CCDC141: variants seen among roughly 807,000 people sequenced by gnomAD.
The protein encoded by CCDC141 is coiled-coil domain-containing protein 141.
Under a neutral mutation model 181.0 loss-of-function variants are expected in CCDC141, and 168 were observed. The observed-to-expected ratio is 0.93, with a 90% CI of 0.82 to 1.05. CCDC141 has a LOEUF of 1.05. Ranked by LOEUF, CCDC141 falls within the 50% of genes least tolerant of loss-of-function variation. The pLI is 0.00. For missense variants in CCDC141, 1,902 were observed against 1,788.5 expected (o/e 1.06, Z -1.14); for synonymous variants, 666 against 642.3 (o/e 1.04, Z -0.56).
At chr2:179,015,440 T>G (rs1427206106) in intron 2 of CCDC141, among the ~76,000 whole-genome samples, 2 of 138,026 alleles carry the variant, frequency 1.4e-5, no homozygotes, top group Non-Finnish European at 3.1e-5. Flanking sequence ...GTACCATATA[T>G]ATCTCATATA....
In CCDC141 at chr2:178,964,951, A is replaced by G. The variant is rs78033155; in HGVS notation, c.527-3468T>C. ...TAATTTTCAATCTATCTAAAAAATT[A>G]TCATTAAAGTTCATAAAATACATCA... On this transcript the variant is annotated intron_variant, in intron 4 of 23. Coordinates refer to ENST00000443758, the MANE Select transcript of CCDC141 (RefSeq NM_173648.4). 6.2e-4 allele frequency among the ~76,000 whole-genome samples: 95 copies of G among 152,344 alleles called. 1 individual carries two copies. Among genetic ancestry groups the G allele is most frequent in the African/African-American group, 1.9e-3 (79 of 41,582 alleles).
At chr2:179,029,807 A>T (rs781026705) in intron 2 of CCDC141, among the ~76,000 whole-genome samples, 99 of 152,190 alleles carry the variant, frequency 6.5e-4, no homozygotes, top group Non-Finnish European at 1.2e-3. Flanking sequence ...TGCTTAACTA[A>T]CCCTTTTTGC....
intron 8 of CCDC141, among the ~76,000 whole-genome samples, chr2:178,903,309 T>C (rs924447323): frequency 3.3e-5 from 5 of 151,764 alleles, no homozygotes; most frequent in African/African-American, 4.8e-5. Flanking sequence ...CATGCACACG[T>C]ATGTTTACTG....
intron 2 of CCDC141, among the ~76,000 whole-genome samples, chr2:179,005,159 C>A (rs1160967528): frequency 6.6e-6 from 1 of 152,154 alleles, no homozygotes; most frequent in East Asian, 1.9e-4. Flanking sequence ...GAACAAATTT[C>A]TTTAAATATT....
chr2:178,928,657 A>G (rs1004613098), intron 6 of CCDC141, among the ~76,000 whole-genome samples: 1 of 152,212 alleles, frequency 6.6e-6, no homozygotes, highest in Non-Finnish European at 1.5e-5. Flanking sequence ...TCTGTAAGCA[A>G]AATAACAGCA....
intron 2 of CCDC141, among the ~76,000 whole-genome samples, chr2:178,989,601 AAAAAAAAT>A (rs1405444323): frequency 5.2e-4 from 48 of 92,466 alleles, no homozygotes; most frequent in African/African-American, 2.1e-3. Context: ...CTCAAAAAAA[AAAAAAAAT>A]AAATAAATAA....
intron 6 of CCDC141, among the ~76,000 whole-genome samples, chr2:178,935,285 C>T (rs971217826): frequency 2.6e-5 from 4 of 152,114 alleles, no homozygotes; most frequent in African/African-American, 9.7e-5. Context: ...ATCCTCCACC[C>T]TCAAGAAGAC....
At chr2:178,920,407 A>C (rs1688632319) in intron 6 of CCDC141, among the ~76,000 whole-genome samples, 1 of 152,188 alleles carries the variant, frequency 6.6e-6, no homozygotes, top group African/African-American at 2.4e-5. Context: ...ATGCTAAGAC[A>C]GATGCCTTGG....
chr2:178,870,209 G>T (rs1315084400), intron 14 of CCDC141, among the ~76,000 whole-genome samples: 1 of 112,336 alleles, frequency 8.9e-6, no homozygotes, highest in Non-Finnish European at 1.7e-5. Context: ...TCCAGCCTGG[G>T]CAACAGAGTA....
chr2:178,838,273 A>G (rs1054330476), intron 22 of CCDC141, among the ~76,000 whole-genome samples: 4 of 152,232 alleles, frequency 2.6e-5, no homozygotes, highest in African/African-American at 9.6e-5. Flanking sequence ...CACTTCAACC[A>G]TGTTTAAGTG....
chr2:178,999,379 C>G (rs538545413), intron 2 of CCDC141, among the ~76,000 whole-genome samples: 1 of 152,242 alleles, frequency 6.6e-6, no homozygotes, highest in East Asian at 1.9e-4. Flanking sequence ...CCCCATACCT[C>G]AGTTTCGTCT....
In CCDC141 at chr2:178,888,968, C is replaced by T. The variant is rs1873163; in HGVS notation, c.1266-300G>A. On this transcript the variant is annotated intron_variant, in intron 8 of 23. Coordinates refer to ENST00000443758, the MANE Select transcript of CCDC141 (RefSeq NM_173648.4). ...ATATTTTGAAAACCTTATGGCAAAG[C>T]CACAGTATGTTTACCACGACTTTTC... is the stretch of plus-strand genomic sequence containing the variant. 0.094 allele frequency among the ~76,000 whole-genome samples: 14,264 copies of T among 152,132 alleles called. 1,633 individuals carry two copies. The highest frequency in any genetic ancestry group is 0.66 in the East Asian group (3,395 of 5,172).
At chr2:178,871,387 T>C (rs776602343) in intron 14 of CCDC141, 40 bp downstream of exon 14, 1 of 1,591,568 alleles carries the variant, frequency 6.3e-7, no homozygotes, top group Non-Finnish European at 8.6e-7. Context: ...GTTTTAAGTA[T>C]TTTTTCCATT....
the CCDC141 span, among the ~76,000 whole-genome samples, chr2:178,822,960 G>A: frequency 2.0e-5 from 3 of 152,134 alleles, no homozygotes; most frequent in Non-Finnish European, 4.4e-5. Flanking sequence ...GTCTGTTTGA[G>A]CCAACCTGCA....
chr2:179,015,252 T>C (rs200378378), intron 2 of CCDC141, among the ~76,000 whole-genome samples: 3 of 132,554 alleles, frequency 2.3e-5, no homozygotes, highest in Non-Finnish European at 4.7e-5. Flanking sequence ...CTCATATATA[T>C]CTCATATATA....
rs56229236 is a variant in CCDC141, at chr2:178,893,799, TCACA to T, written c.1266-5135_1266-5132del. On this transcript the variant is annotated intron_variant, in intron 8 of 23. Transcript: ENST00000443758. ...CTCCCACCAAACATTTCTCTCTCTC[TCACA>T]CACACACACACACACACACGCACAC... 2.5e-3 allele frequency among the ~76,000 whole-genome samples: 360 copies of T among 143,686 alleles called. 6 individuals are homozygous for T. Among genetic ancestry groups the T allele is most frequent in the South Asian group, 0.023 (104 of 4,488 alleles). 94.3% of individuals were successfully genotyped at this position (143,686 alleles called of 152,430 possible).
intron 6 of CCDC141, among the ~76,000 whole-genome samples, chr2:178,932,528 A>G (rs1271084239): frequency 6.6e-6 from 1 of 152,238 alleles, no homozygotes; most frequent in Non-Finnish European, 1.5e-5. Context: ...TATGTGTTAA[A>G]ATGAGGAAAT....
At chr2:178,932,514 A>T (rs1689139601) in intron 6 of CCDC141, among the ~76,000 whole-genome samples, 1 of 152,212 alleles carries the variant, frequency 6.6e-6, no homozygotes, top group African/African-American at 2.4e-5. Context: ...AAACACATTT[A>T]AAATATGTGT....
At chr2:178,994,304 A>C (rs1692185994) in intron 2 of CCDC141, among the ~76,000 whole-genome samples, 1 of 152,220 alleles carries the variant, frequency 6.6e-6, no homozygotes, top group African/African-American at 2.4e-5. Flanking sequence ...AGAGGGTCCG[A>C]AAGCCCAGTT....
Sources: allele counts gnomAD v4.1 joint callset (sites outside exome capture counted in the v4.1 genomes callset), GRCh38; gene constraint gnomAD v4.1.1; transcripts MANE v1.5; gene names NCBI Gene and HGNC (gene_info 2026-07-23, HGNC 2026-07-21).